The following OSMR variants were observed in gnomAD, a reference collection of about 807,000 sequenced individuals.
The protein encoded by OSMR is oncostatin-M-specific receptor subunit beta.
In OSMR, 81 loss-of-function variants were observed where a neutral mutation model predicts 99.9. The ratio of observed to expected loss-of-function variants is 0.81; its 90% CI spans 0.68 to 0.97. The LOEUF (loss-of-function observed/expected upper bound fraction) is 0.97. Ranked by LOEUF, OSMR falls within the 50% of genes least tolerant of loss-of-function variation. OSMR has a pLI of 0.00. For missense variants in OSMR, 1,099 were observed against 1,153.4 expected, an observed-to-expected ratio of 0.95 and a Z score of 0.68; for synonymous variants, 406 against 410.4, an observed-to-expected ratio of 0.99 and a Z score of 0.13.
At chr5:38,847,670 CTCAGTT>C (rs1002539592) in intron 1 of OSMR, among the ~76,000 whole-genome samples, 12 of 144,710 alleles carry the variant, frequency 8.3e-5, no homozygotes, top group African/African-American at 2.6e-4. Flanking sequence ...TCAGGAAATA[CTCAGTT>C]TGTTTTCCCC....
At chr5:38,882,574 C>A (rs1374476484) in intron 4 of OSMR, among the ~76,000 whole-genome samples, 2 of 151,862 alleles carry the variant, frequency 1.3e-5, no homozygotes, top group East Asian at 3.9e-4. Flanking sequence ...GATTCTGTCT[C>A]TCACACACAC....
chr5:38,881,479 C>T (rs1006604870), intron 3 of OSMR, 114 bp from the exon 4 acceptor site: 7 of 1,595,628 alleles, frequency 4.4e-6, no homozygotes, highest in African/African-American at 1.3e-5. Context: ...TTCACTGGCA[C>T]ATATCGTGGA....
chr5:38,924,680 C>T, intron 14 of OSMR, 85 bp downstream of exon 14: 1 of 1,192,286 alleles, frequency 8.4e-7, no homozygotes, highest in South Asian at 1.2e-5. Flanking sequence ...CCATCTCAGA[C>T]TGTGGCCAGG....
intron 1 of OSMR, among the ~76,000 whole-genome samples, chr5:38,855,137 G>T (rs539020371): frequency 2.4e-4 from 36 of 152,276 alleles, no homozygotes; most frequent in African/African-American, 8.2e-4. Flanking sequence ...TCACCCTTGA[G>T]GCAAGCTAGG....
chr5:38,943,671 G>C (rs1361639149), intron 1 of OSMR, among the ~76,000 whole-genome samples: 1 of 152,112 alleles, frequency 6.6e-6, no homozygotes, highest in East Asian at 1.9e-4. Flanking sequence ...AAATTAGCTA[G>C]GTGTGGTGGT....
At chr5:38,868,378 C>T (rs1381529281) in intron 1 of OSMR, among the ~76,000 whole-genome samples, 4 of 152,154 alleles carry the variant, frequency 2.6e-5, no homozygotes, top group Non-Finnish European at 4.4e-5. Flanking sequence ...TACGGCTTGG[C>T]TGTGGGCCCA....
intron 15 of OSMR, among the ~76,000 whole-genome samples, chr5:38,930,685 A>G (rs1246097162): frequency 2.0e-5 from 3 of 152,226 alleles, no homozygotes; most frequent in Admixed American, 6.5e-5. Context: ...ATACTCTCTG[A>G]AAGAAAAGAT....
intron 15 of OSMR, among the ~76,000 whole-genome samples, chr5:38,925,800 C>A (rs1306415685): frequency 6.6e-6 from 1 of 152,216 alleles, no homozygotes; most frequent in Non-Finnish European, 1.5e-5. Context: ...TCCTCTGGCT[C>A]ATTTCCCTCA....
intron 7 of OSMR, among the ~76,000 whole-genome samples, chr5:38,899,772 G>C (rs1379419995): frequency 1.3e-5 from 2 of 152,188 alleles, no homozygotes. Flanking sequence ...TGGATAAGCT[G>C]GTATCCAAGA....
At chr5:38,911,317 TAGAAAA>T (rs1291014295) in intron 9 of OSMR, among the ~76,000 whole-genome samples, 2 of 152,004 alleles carry the variant, frequency 1.3e-5, no homozygotes, top group Non-Finnish European at 2.9e-5. Context: ...GGACACAAAC[TAGAAAA>T]CATACAGCCT....
intron 7 of OSMR, among the ~76,000 whole-genome samples, chr5:38,898,995 C>G (rs1744713936): frequency 1.7e-5 from 2 of 117,534 alleles, no homozygotes; most frequent in South Asian, 2.9e-4. Context: ...CTCACCTGCT[C>G]TGTTGCCCAG....
At chr5:38,862,412 G>GC (rs1554047812) in intron 1 of OSMR, among the ~76,000 whole-genome samples, 3 of 700 alleles carry the variant, frequency 4.3e-3, no homozygotes, top group Admixed American at 0.011. Context: ...GGCTGGCCGG[G>GC]CGGGGGCTGA....
intron 1 of OSMR, among the ~76,000 whole-genome samples, chr5:38,866,992 C>T (rs1742000765): frequency 1.3e-5 from 2 of 152,144 alleles, no homozygotes. Context: ...TGTCACTTCC[C>T]TGCTGAATTC....
intron 12 of OSMR, among the ~76,000 whole-genome samples, chr5:38,922,623 C>G (rs1746286844): frequency 6.6e-6 from 1 of 152,084 alleles, no homozygotes; most frequent in Non-Finnish European, 1.5e-5. Context: ...GAGGCCAGTC[C>G]CTGCAGGCTT....
rs372713825 is a variant in OSMR, at chr5:38,883,930, A to G, written c.522A>G (p.Gln174=). ...TTTGTTACGTTTCTAGGAACATTCA[A>G]AATAATGTATCCTGTTATTTGGAAG... The part of the protein sequence containing the change: ...VTICYVSRNI[Q]NNVSCYLEGK... The change falls in exon 5 of 18, where the codon CAA becomes CAG. Residue 174 remains glutamine (Q), a synonymous_variant. Transcript: ENST00000274276. 1 of 1,613,910 alleles carries G rather than the reference A, an allele frequency of 6.2e-7. No individual in the cohort carries two copies.
At position 38,853,046 on chromosome 5, in the gene OSMR, A is replaced by G. The variant is rs201579110; in HGVS notation, c.-14+6659A>G. Among the ~76,000 whole-genome samples the G allele has an allele frequency of 5.3e-5, 8 of 152,116 alleles. No individual in the cohort carries two copies. The East Asian group carries it at 1.5e-3, about 29-fold the overall frequency. On this transcript the variant is annotated intron_variant, in intron 1 of 17. Coordinates refer to ENST00000274276, the MANE Select transcript of OSMR (RefSeq NM_003999.3). ...GCGCCCGGCCCTATTGTTTTCATTT[A>G]AAGCACTAAAATGTTTCAATGTTTG...
intron 13 of OSMR, among the ~76,000 whole-genome samples, chr5:38,923,594 A>T (rs74824208): frequency 0.038 from 5,725 of 151,904 alleles, 130 homozygotes; most frequent in South Asian, 0.09. Flanking sequence ...AGCTTTTAAA[A>T]TTTTTTTTTC....
At chr5:38,935,651 T>TTATC (rs1162810547), downstream of OSMR, 1 of 152,226 alleles carries the variant, frequency 6.6e-6, no homozygotes, top group Admixed American at 6.5e-5. Context: ...ACATTGTGTT[T>TTATC]TATCTCCCTC....
intron 2 of OSMR, among the ~76,000 whole-genome samples, chr5:38,874,402 C>A (rs1487283503): frequency 6.6e-6 from 1 of 152,124 alleles, no homozygotes; most frequent in East Asian, 1.9e-4. Flanking sequence ...GCCATTGTGG[C>A]TCCCTTTCCT....
Sources: gnomAD v4.1 joint callset for allele counts (sites outside exome capture counted in the v4.1 genomes callset) on GRCh38, gnomAD v4.1.1 for gene constraint, MANE v1.5 for transcripts, NCBI Gene and HGNC (gene_info 2026-07-23, HGNC 2026-07-21) for gene names.